Variants in MAF observed in about 807,000 individuals in gnomAD.
The protein encoded by MAF is MAF bZIP transcription factor.
In MAF, 10 loss-of-function variants were observed where a neutral mutation model predicts 22.0. That is an observed-to-expected ratio of 0.45 (90% CI 0.28 to 0.77). MAF has a LOEUF of 0.77. Among genes scored for constraint, MAF ranks in the 30% least tolerant of loss-of-function variants. MAF has a pLI of 0.12. For synonymous variants in MAF, 337 were observed against 255.8 expected (o/e 1.32, Z -3.03); for missense variants, 544 against 548.4 (o/e 0.99, Z 0.08).
chr16:79,395,849 G>A, the MAF span, among the ~76,000 whole-genome samples: 3 of 152,192 alleles, frequency 2.0e-5, no homozygotes, highest in Non-Finnish European at 2.9e-5. Context: ...GTCTGGGGAT[G>A]ATGAAAGAGG....
At chr16:79,425,989 C>T in the MAF span, among the ~76,000 whole-genome samples, 3 of 152,224 alleles carry the variant, frequency 2.0e-5, no homozygotes, top group African/African-American at 7.2e-5. Flanking sequence ...GGCGGATCAC[C>T]AGATCAGGAG....
the MAF span, among the ~76,000 whole-genome samples, chr16:79,382,442 T>G: frequency 1.3e-5 from 2 of 152,252 alleles, no homozygotes; most frequent in Non-Finnish European, 2.9e-5. Context: ...TGGACATATG[T>G]GGCTATTGAG....
At chr16:79,414,320 C>A in the MAF span, among the ~76,000 whole-genome samples, 1 of 152,122 alleles carries the variant, frequency 6.6e-6, no homozygotes, top group African/African-American at 2.4e-5. Context: ...TCTGGTGAGG[C>A]CTCAGGAAGA....
At chr16:79,248,583 A>T in the MAF span, among the ~76,000 whole-genome samples, 3 of 152,288 alleles carry the variant, frequency 2.0e-5, no homozygotes, top group Admixed American at 2.0e-4. Context: ...TCCCCTGAAG[A>T]TTAACTTAAC....
the MAF span, among the ~76,000 whole-genome samples, chr16:79,520,384 T>C: frequency 6.6e-6 from 1 of 152,114 alleles, no homozygotes; most frequent in Non-Finnish European, 1.5e-5. Flanking sequence ...GACCTCCTTC[T>C]CATCACCAGG....
chr16:79,565,135 C>T, the MAF span, among the ~76,000 whole-genome samples: 1 of 152,100 alleles, frequency 6.6e-6, no homozygotes, highest in Non-Finnish European at 1.5e-5. Flanking sequence ...CCATTCAGAG[C>T]CAAATTTTCT....
the MAF span, among the ~76,000 whole-genome samples, chr16:79,269,812 A>C: frequency 6.6e-6 from 1 of 152,132 alleles, no homozygotes; most frequent in Admixed American, 6.6e-5. Context: ...AATGAACTCC[A>C]ACCTCCACGG....
chr16:79,592,212 G>A (rs1026281802), downstream of MAF, among the ~76,000 whole-genome samples: 1 of 149,332 alleles, frequency 6.7e-6, no homozygotes, highest in South Asian at 2.1e-4. Flanking sequence ...TGTTTGTTTA[G>A]TTTTGTTTTG....
At chr16:79,440,139 C>A in the MAF span, among the ~76,000 whole-genome samples, 1 of 152,216 alleles carries the variant, frequency 6.6e-6, no homozygotes, top group Admixed American at 6.5e-5. Context: ...ACCACTACCA[C>A]CTGGATGCAG....
chr16:79,441,728 GAAGA>G, the MAF span, among the ~76,000 whole-genome samples: 6 of 152,234 alleles, frequency 3.9e-5, no homozygotes, highest in Non-Finnish European at 7.3e-5. Flanking sequence ...TCCATAGCAA[GAAGA>G]AAGATGTTTT....
the MAF span, among the ~76,000 whole-genome samples, chr16:79,325,471 G>A: frequency 6.6e-6 from 1 of 152,090 alleles, no homozygotes; most frequent in Non-Finnish European, 1.5e-5. Flanking sequence ...GAAGCAACTG[G>A]CTCAGGGTCC....
At chr16:79,505,428 G>C in the MAF span, among the ~76,000 whole-genome samples, 4,986 of 152,206 alleles carry the variant, frequency 0.033, 271 homozygotes, top group African/African-American at 0.11. Flanking sequence ...GGGGAAGCTT[G>C]TCAAAGGAGG....
the MAF span, chr16:79,212,270 C>T: frequency 2.4e-6 from 3 of 1,255,546 alleles, no homozygotes; most frequent in African/African-American, 4.6e-5. Context: ...TTTCATTCAT[C>T]CTGACCAAGA....
At chr16:79,353,338 AG>A in the MAF span, among the ~76,000 whole-genome samples, 1 of 152,170 alleles carries the variant, frequency 6.6e-6, no homozygotes, top group Admixed American at 6.5e-5. Context: ...TATGTTGCCC[AG>A]GCTAGTCTTG....
At chr16:79,400,861 G>A in the MAF span, among the ~76,000 whole-genome samples, 6 of 152,232 alleles carry the variant, frequency 3.9e-5, no homozygotes, top group Non-Finnish European at 8.8e-5. Flanking sequence ...ATGGCCTGGG[G>A]TATCTTCCGG....
chr16:79,514,275 C>T, the MAF span, among the ~76,000 whole-genome samples: 2 of 152,222 alleles, frequency 1.3e-5, no homozygotes, highest in Non-Finnish European at 2.9e-5. Context: ...TTCCCATTAC[C>T]TATCATTCAA....
the MAF span, among the ~76,000 whole-genome samples, chr16:79,573,364 TA>T: frequency 6.6e-6 from 1 of 152,250 alleles, no homozygotes; most frequent in Non-Finnish European, 1.5e-5. Context: ...ATTAAAAATC[TA>T]GGTTGCTTTT....
At chr16:79,529,742 C>T in the MAF span, among the ~76,000 whole-genome samples, 3 of 152,180 alleles carry the variant, frequency 2.0e-5, no homozygotes, top group African/African-American at 7.2e-5. Flanking sequence ...GAGTGGATTA[C>T]TTCAGGTCAG....
the MAF span, among the ~76,000 whole-genome samples, chr16:79,335,165 C>G: frequency 7.5e-6 from 1 of 132,564 alleles, no homozygotes; most frequent in Non-Finnish European, 1.5e-5. Context: ...AGCCTGGCGA[C>G]AGAGCGAGAC....
Sources: allele counts gnomAD v4.1 joint callset (sites outside exome capture counted in the v4.1 genomes callset), GRCh38; gene constraint gnomAD v4.1.1; transcripts MANE v1.5; gene names NCBI Gene and HGNC (gene_info 2026-07-23, HGNC 2026-07-21).